The following PSMD13 variants were observed in gnomAD, a reference collection of about 807,000 sequenced individuals.
PSMD13 encodes the protein proteasome 26S subunit, non-ATPase 13, also known as 26S proteasome non-ATPase regulatory subunit 13.
In PSMD13, 8 loss-of-function variants were observed where a neutral mutation model predicts 57.4. That is an observed-to-expected ratio of 0.14 (90% CI 0.08 to 0.25). PSMD13 has a LOEUF of 0.25. Among genes scored for constraint, PSMD13 ranks in the 10% least tolerant of loss-of-function variants. The pLI is 1.00. For synonymous variants in PSMD13, 193 were observed against 168.2 expected (o/e 1.15, Z -1.14); for missense variants, 400 against 461.5 (o/e 0.87, Z 1.22).
Position 248,922 on chromosome 11 carries a change from A to G in PSMD13, c.649-10A>G, listed in dbSNP as rs373081684. 15 of 1,614,086 alleles carry G rather than the reference A, an allele frequency of 9.3e-6. No homozygotes were observed. The highest frequency in any genetic ancestry group is 1.3e-5 in the Non-Finnish European group (15 of 1,179,992). The stretch of plus-strand genomic sequence containing the variant: ...AAAGTGTTACTAGCTGACCATCTCC[A>G]TCCTCACAGCTCATGCACCCTGTGC... On this transcript the variant is annotated splice_polypyrimidine_tract_variant and intron_variant, in intron 8 of 12. Transcript: ENST00000532097.
At chr11:250,245 G>A (rs1017565914) in intron 9 of PSMD13, among the ~76,000 whole-genome samples, 8 of 152,214 alleles carry the variant, frequency 5.3e-5, no homozygotes, top group Admixed American at 6.5e-5. Context: ...CACAGGTAAC[G>A]TTTTGATCCA....
At chr11:250,593 G>A (rs1859748933) in intron 9 of PSMD13, among the ~76,000 whole-genome samples, 1 of 152,206 alleles carries the variant, frequency 6.6e-6, no homozygotes, top group African/African-American at 2.4e-5. Flanking sequence ...AAGTGTCCCA[G>A]TTAGGTGCGA....
rs537269548 is a variant in PSMD13, at chr11:237,150, C to T, written c.95+6C>T. 11 of 1,608,810 alleles carry T rather than the reference C, an allele frequency of 6.8e-6. No homozygotes were observed. The highest frequency in any genetic ancestry group is 1.7e-5 in the Admixed American group (1 of 59,538). ...GAGGAGCTCTACACGAAGAAGTGAG[C>T]GCCGAGCAGACGGGCCCTGGGCCCC... On this transcript the variant is annotated splice_donor_region_variant and intron_variant, in intron 1 of 12. Coordinates refer to ENST00000532097, the MANE Select transcript of PSMD13 (RefSeq NM_002817.4).
chr11:241,665 GACCGGCCCAC>G (rs1480790916), intron 2 of PSMD13, among the ~76,000 whole-genome samples: 7 of 152,046 alleles, frequency 4.6e-5, no homozygotes, highest in African/African-American at 7.2e-5. Context: ...CCTTCTCTGT[GACCGGCCCAC>G]ATCTGAGTGA....
chr11:250,430 C>A (rs1195939240), intron 9 of PSMD13, among the ~76,000 whole-genome samples: 1 of 152,206 alleles, frequency 6.6e-6, no homozygotes, highest in African/African-American at 2.4e-5. Context: ...CGGCAGCAGC[C>A]CTTGAAAGAA....
chr11:239,948 C>G (rs922546424), intron 2 of PSMD13, among the ~76,000 whole-genome samples: 1 of 152,004 alleles, frequency 6.6e-6, no homozygotes, highest in Non-Finnish European at 1.5e-5. Context: ...ACCTTGCTAC[C>G]CCACCACCTG....
rs1859781625 is a variant in PSMD13, at chr11:252,393, C to A, written c.1036-112C>A. 5.2e-6 allele frequency: 5 copies of A among 965,400 alleles called. No individual in the cohort carries two copies. The highest frequency in any genetic ancestry group is 8.3e-6 in the Non-Finnish European group (5 of 603,558). The allele number at this position is 965,400 out of a possible 1,614,324, so 59.8% of individuals were successfully genotyped here. On this transcript the variant is annotated intron_variant, in intron 12 of 12. Transcript: ENST00000532097. This position sits in a 1 kb window ranked among gnomAD's most constrained non-coding sequence, Gnocchi z 4.1. ...TCAGAGGTCCTTTTTACTAGAGCTG[C>A]CCTAGAGAGTTAGCTGGAGATGTAG...
chr11:247,666 T>C, intron 7 of PSMD13: 1 of 388,888 alleles, frequency 2.6e-6, no homozygotes, highest in Non-Finnish European at 4.6e-6. Flanking sequence ...ACCCTGTCTC[T>C]ACTAAAAATA....
intron 6 of PSMD13, among the ~76,000 whole-genome samples, chr11:245,267 C>T (rs912290290): frequency 2.0e-5 from 3 of 152,132 alleles, no homozygotes; most frequent in African/African-American, 7.2e-5. Context: ...CCTTTTACCG[C>T]TTTTGCCTTT....
chr11:249,790 TTAA>T (rs1859736304), intron 9 of PSMD13, among the ~76,000 whole-genome samples: 1 of 152,164 alleles, frequency 6.6e-6, no homozygotes, highest in Admixed American at 6.5e-5. Flanking sequence ...GAAGTAAATA[TTAA>T]TAAAATGTTA....
chr11:244,325 A>T (rs1262783562), intron 4 of PSMD13, 101 bp from the exon 5 acceptor site: 1 of 1,578,076 alleles, frequency 6.3e-7, no homozygotes, highest in African/African-American at 1.4e-5. Context: ...TGTTTTTATT[A>T]TACTTTATGG....
intron 6 of PSMD13, among the ~76,000 whole-genome samples, chr11:245,720 G>A (rs1317430898): frequency 4.6e-5 from 5 of 108,366 alleles, no homozygotes; most frequent in Non-Finnish European, 1.0e-4. Context: ...GTTTGTGTGT[G>A]TGTGTTTGTG....
Position 251,265 on chromosome 11 carries a change from C to T in PSMD13, c.838-281C>T, listed in dbSNP as rs1859760002. On this transcript the variant is annotated intron_variant, in intron 10 of 12. Coordinates refer to ENST00000532097, the MANE Select transcript of PSMD13 (RefSeq NM_002817.4). This position sits in a 1 kb window ranked among gnomAD's most constrained non-coding sequence, Gnocchi z 4.6. Reference sequence around the variant, plus strand: ...TAGATTTCTGGTTTGCCGTGGTCACCCCTGGTCAACCCTGGCAAATTGTGG... The same window carrying T: ...TAGATTTCTGGTTTGCCGTGGTCACTCCTGGTCAACCCTGGCAAATTGTGG... 2 of 480,104 alleles carry T rather than the reference C, an allele frequency of 4.2e-6. No individual in the cohort carries two copies. The highest frequency in any genetic ancestry group is 7.4e-6 in the Non-Finnish European group (2 of 268,796). The allele number at this position is 480,104 out of a possible 1,614,324, so 29.7% of individuals were successfully genotyped here. A position where few individuals can be genotyped will look rare whatever the true frequency, so the allele number is the denominator to read the frequency against.
At chr11:241,472 T>G (rs537060491) in intron 2 of PSMD13, among the ~76,000 whole-genome samples, 1 of 152,340 alleles carries the variant, frequency 6.6e-6, no homozygotes, top group Admixed American at 6.5e-5. Context: ...CTGTTTCTTG[T>G]GTGCCTGATT....
intron 2 of PSMD13, among the ~76,000 whole-genome samples, chr11:241,902 A>G (rs971233562): frequency 6.6e-6 from 1 of 151,772 alleles, no homozygotes; most frequent in African/African-American, 2.4e-5. Flanking sequence ...ACCAATCTTC[A>G]GTGCTTCCTA....
intron 1 of PSMD13, 43 bp downstream of exon 1, chr11:237,187 G>A (rs764682568): frequency 1.9e-5 from 29 of 1,565,720 alleles, no homozygotes; most frequent in South Asian, 3.4e-5. Context: ...GCGATAGAGG[G>A]AGACGGAGGG....
intron 6 of PSMD13, among the ~76,000 whole-genome samples, chr11:245,421 A>G (rs1040836782): frequency 4.6e-5 from 7 of 152,178 alleles, no homozygotes; most frequent in African/African-American, 1.7e-4. Flanking sequence ...AGTCAGCCCA[A>G]AGCACATTGG....
intron 9 of PSMD13, among the ~76,000 whole-genome samples, chr11:250,601 C>T (rs1859749060): frequency 6.6e-6 from 1 of 152,184 alleles, no homozygotes; most frequent in Admixed American, 6.5e-5. Flanking sequence ...CAGTTAGGTG[C>T]GACTCTTTCC....
intron 9 of PSMD13, 54 bp from the exon 10 acceptor site, chr11:250,749 T>C: frequency 6.5e-7 from 1 of 1,539,854 alleles, no homozygotes; most frequent in Non-Finnish European, 9.0e-7. Flanking sequence ...CCCAGTTAAG[T>C]AACTGATAAG....
Sources: allele counts gnomAD v4.1 joint callset (sites outside exome capture counted in the v4.1 genomes callset), GRCh38; gene constraint gnomAD v4.1.1; non-coding constraint Gnocchi (gnomAD v3.1); transcripts MANE v1.5; gene names NCBI Gene and HGNC (gene_info 2026-07-23, HGNC 2026-07-21).